Variants in TRAF3IP1 observed in about 807,000 individuals in gnomAD.
The protein encoded by TRAF3IP1 is TRAF3-interacting protein 1.
In TRAF3IP1, 53 loss-of-function variants were observed where a neutral mutation model predicts 89.9. That is an observed-to-expected ratio of 0.59 (90% confidence interval 0.47 to 0.74). TRAF3IP1 has a LOEUF of 0.74. TRAF3IP1 is among the 30% of genes least tolerant of loss of function. TRAF3IP1 has a pLI of 0.00. For missense variants in TRAF3IP1, 806 were observed against 866.1 expected, an observed-to-expected ratio of 0.93 and a Z score of 0.87; for synonymous variants, 311 against 322.1, an observed-to-expected ratio of 0.97 and a Z score of 0.37.
At chr2:238,347,721 G>C (rs566915533) in intron 10 of TRAF3IP1, among the ~76,000 whole-genome samples, 1 of 151,992 alleles carries the variant, frequency 6.6e-6, no homozygotes, top group African/African-American at 2.4e-5. Flanking sequence ...TCTGCCTCCC[G>C]GGTTCAAGCA....
chr2:238,321,324 G>T (rs1697532944), intron 1 of TRAF3IP1, among the ~76,000 whole-genome samples: 2 of 152,350 alleles, frequency 1.3e-5, no homozygotes, highest in South Asian at 4.1e-4. Context: ...TATGTAGCAC[G>T]TGGAAGGCAC....
chr2:238,357,108 C>T (rs534931672), intron 15 of TRAF3IP1, among the ~76,000 whole-genome samples: 3 of 152,140 alleles, frequency 2.0e-5, no homozygotes, highest in African/African-American at 4.8e-5. Context: ...TTTTTAAATA[C>T]ATGTTCTATT....
chr2:238,337,247 C>T (rs1698427969), intron 7 of TRAF3IP1, among the ~76,000 whole-genome samples: 1 of 152,054 alleles, frequency 6.6e-6, no homozygotes, highest in Admixed American at 6.5e-5. Context: ...CCAAGAGGAG[C>T]AGGAATGAGG....
In TRAF3IP1 at chr2:238,379,626, A is replaced by G. The variant is rs1311384550; in HGVS notation, c.1690-17833A>G. 6.6e-6 allele frequency among the ~76,000 whole-genome samples: 1 copy of G among 152,152 alleles called. No homozygotes were observed. The highest frequency in any genetic ancestry group is 6.5e-5 in the Admixed American group (1 of 15,274). ...GCCGAGGACCTCTGACCTCATGGCC[A>G]CTTCCTGCTGCAGGTTTAGACGGTG... On this transcript the variant is annotated intron_variant, in intron 15 of 16. Transcript: ENST00000373327. This position sits in a 1 kb window ranked among gnomAD's most constrained non-coding sequence, Gnocchi z 4.0.
intron 15 of TRAF3IP1, among the ~76,000 whole-genome samples, chr2:238,364,874 T>C (rs1308135814): frequency 1.3e-5 from 2 of 152,206 alleles, no homozygotes; most frequent in African/African-American, 4.8e-5. Context: ...ATGTATTGAA[T>C]TTGACCTGCA....
intron 15 of TRAF3IP1, among the ~76,000 whole-genome samples, chr2:238,384,197 T>C (rs957693773): frequency 6.6e-6 from 1 of 152,128 alleles, no homozygotes; most frequent in African/African-American, 2.4e-5. Context: ...GCTGGCCTCC[T>C]GAGTGTCCCT....
intron 7 of TRAF3IP1, 21 bp downstream of exon 7, chr2:238,334,056 G>A: frequency 1.3e-6 from 2 of 1,559,012 alleles, no homozygotes; most frequent in Non-Finnish European, 8.7e-7. Context: ...ACTTATATAT[G>A]TAGCTGAAAA....
chr2:238,397,351 G>A (rs1158214745), intron 15 of TRAF3IP1, 108 bp from the exon 16 acceptor site: 9 of 906,834 alleles, frequency 9.9e-6, no homozygotes, highest in Non-Finnish European at 3.5e-6. Context: ...CACTGTCTCT[G>A]CCTGCGCCTT....
chr2:238,396,868 C>T (rs541755367), intron 15 of TRAF3IP1, among the ~76,000 whole-genome samples: 6 of 152,230 alleles, frequency 3.9e-5, no homozygotes, highest in African/African-American at 1.2e-4. Context: ...TGACCATCTG[C>T]CTGCTGGGTG....
chr2:238,360,179 ATTGT>A (rs1210846410), intron 15 of TRAF3IP1, among the ~76,000 whole-genome samples: 4 of 152,208 alleles, frequency 2.6e-5, no homozygotes, highest in South Asian at 4.1e-4. Context: ...TTATGAATGA[ATTGT>A]TTATTTCTGG....
intron 14 of TRAF3IP1, among the ~76,000 whole-genome samples, chr2:238,355,730 CT>C (rs999364532): frequency 3.9e-5 from 6 of 152,206 alleles, no homozygotes; most frequent in Non-Finnish European, 8.8e-5. Flanking sequence ...CCTTCTTAAT[CT>C]TTGAAAATAG....
intron 15 of TRAF3IP1, among the ~76,000 whole-genome samples, chr2:238,376,003 G>A (rs561258674): frequency 4.2e-4 from 64 of 152,206 alleles, no homozygotes; most frequent in African/African-American, 1.4e-3. Flanking sequence ...CATATGCGTG[G>A]AACTCTTTCT....
chr2:238,349,456 A>C, intron 12 of TRAF3IP1, 48 bp downstream of exon 12: 1 of 1,577,408 alleles, frequency 6.3e-7, no homozygotes, highest in Non-Finnish European at 8.7e-7. Context: ...TGTGTTCTCC[A>C]GTGGGCATGG....
At chr2:238,362,438 G>A (rs1481167796) in intron 15 of TRAF3IP1, among the ~76,000 whole-genome samples, 1 of 152,148 alleles carries the variant, frequency 6.6e-6, no homozygotes, top group Non-Finnish European at 1.5e-5. Flanking sequence ...TCTAGAGGTA[G>A]CCATCCAGGT....
At chr2:238,384,075 C>G (rs879629185) in intron 15 of TRAF3IP1, among the ~76,000 whole-genome samples, 26 of 152,234 alleles carry the variant, frequency 1.7e-4, no homozygotes, top group South Asian at 6.2e-4. Flanking sequence ...GGGCCCCCCC[C>G]ATCTGGATGC....
chr2:238,356,926 T>A (rs1232101497), intron 15 of TRAF3IP1, among the ~76,000 whole-genome samples: 1 of 151,958 alleles, frequency 6.6e-6, no homozygotes, highest in Non-Finnish European at 1.5e-5. Context: ...CTACAGGTGC[T>A]CGACACTGCT....
At position 238,325,937 on chromosome 2, in the gene TRAF3IP1, G is replaced by A. The variant is rs1366075443; in HGVS notation, c.321G>A (p.Leu107=). Residue 107 remains leucine, a synonymous_variant, in exon 3 of 17, where the codon CTG becomes CTA. Coordinates refer to ENST00000373327, the MANE Select transcript of TRAF3IP1 (RefSeq NM_015650.4). ...ATGAGCCTGAAAGAACAAACGAGCT[G>A]CTCCAGATAATTGGAAAATGCTGTC... ...AGHEPERTNE[L]LQIIGKCCLN... 2 of 1,613,434 alleles carry A rather than the reference G, an allele frequency of 1.2e-6. No homozygotes were observed. Among genetic ancestry groups the A allele is most frequent in the South Asian group, 2.2e-5 (2 of 90,898 alleles).
intron 15 of TRAF3IP1, among the ~76,000 whole-genome samples, chr2:238,373,830 C>T (rs1239374844): frequency 1.3e-5 from 2 of 152,110 alleles, no homozygotes; most frequent in African/African-American, 2.4e-5. Context: ...TTGTAGTTCT[C>T]CTTGAAGAGG....
intron 12 of TRAF3IP1, among the ~76,000 whole-genome samples, 179 bp downstream of exon 12, chr2:238,349,587 A>T (rs1340927573): frequency 6.6e-6 from 1 of 152,236 alleles, no homozygotes; most frequent in Non-Finnish European, 1.5e-5. Flanking sequence ...TGTCAGATGG[A>T]TGAAAGAGAA....
Sources: gnomAD v4.1 joint callset for allele counts (sites outside exome capture counted in the v4.1 genomes callset) on GRCh38, gnomAD v4.1.1 for gene constraint, Gnocchi (gnomAD v3.1) non-coding constraint, MANE v1.5 for transcripts, NCBI Gene and HGNC (gene_info 2026-07-23, HGNC 2026-07-21) for gene names.